The following AK9 variants were observed in gnomAD, a reference collection of about 807,000 sequenced individuals.
AK9 encodes the protein adenylate kinase 9.
AK9 carries 191 observed loss-of-function variants against 239.6 expected under a neutral mutation model. The observed-to-expected ratio is 0.80, with a 90% confidence interval of 0.71 to 0.90. The LOEUF (loss-of-function observed/expected upper bound fraction) is 0.90. Ranked by LOEUF, AK9 falls within the 40% of genes least tolerant of loss-of-function variation. The probability of loss-of-function intolerance (pLI) is 0.00; values close to 1 mark genes in which losing one functional copy is unlikely to be tolerated. For missense variants in AK9, 1,995 were observed against 2,214.7 expected (o/e 0.90, Z 1.99); for synonymous variants, 689 against 721.0 (o/e 0.96, Z 0.71).
At position 109,563,637 on chromosome 6, in the gene AK9, G is replaced by A. The variant is rs1278283474; in HGVS notation, c.2711C>T (p.Ala904Val). The change falls in exon 24 of 41, where the codon GCA (alanine) becomes GTA (valine). Residue 904 changes from alanine (A) to valine (V), a missense_variant. Coordinates refer to ENST00000424296, the MANE Select transcript of AK9 (RefSeq NM_001145128.3). ...EEETEDYQTE[A>V]EVDEELEEEE... is the part of the protein sequence containing the mutation. ...TTCCTCTAGCTCCTCATCAACCTCT[G>A]CTTCAGTCTGGTAGTCTTCTGTTTC... 6.4e-7 allele frequency: 1 copy of A among 1,550,702 alleles called. No homozygotes were observed. Among genetic ancestry groups the A allele is most frequent in the Non-Finnish European group, 8.7e-7 (1 of 1,146,138 alleles).
intron 17 of AK9, among the ~76,000 whole-genome samples, chr6:109,591,240 T>C (rs1209969579): frequency 1.3e-5 from 2 of 152,176 alleles, no homozygotes; most frequent in African/African-American, 4.8e-5. Flanking sequence ...ACATTTTTCT[T>C]CTGCAATTGA....
intron 10 of AK9, 123 bp from the exon 11 acceptor site, chr6:109,633,446 T>G (rs1309303797): frequency 8.5e-7 from 1 of 1,172,488 alleles, no homozygotes; most frequent in Non-Finnish European, 1.2e-6. Flanking sequence ...AAAAAGGAAA[T>G]TTTGGCTTTT....
At chr6:109,494,386 T>C (rs1776824079) in intron 39 of AK9, 1 of 246,844 alleles carries the variant, frequency 4.1e-6, no homozygotes, top group Non-Finnish European at 7.7e-6. Context: ...TGACATTTTT[T>C]ATAACAAAAA....
At chr6:109,667,176 T>C (rs755046355) in intron 5 of AK9, among the ~76,000 whole-genome samples, 3 of 151,942 alleles carry the variant, frequency 2.0e-5, no homozygotes, top group Admixed American at 6.6e-5. Flanking sequence ...AGGGCTCTAG[T>C]ATAAAACAAA....
rs767239755 is a variant in AK9, at chr6:109,533,346, G to A, written c.3475C>T (p.Arg1159Cys). ...IQVDDQDIFDRLLPAQIEKWK... is the reference protein window; with the variant it reads ...IQVDDQDIFDCLLPAQIEKWK... ...TTTTCAATTTGGGCAGGAAGGAGGC[G>A]ATCAAAAATATCTTGATCATCAACT... The change falls in exon 28 of 41, where the codon CGC becomes TGC. Residue 1159 changes from arginine to cysteine, a missense_variant. Coordinates refer to ENST00000424296, the MANE Select transcript of AK9 (RefSeq NM_001145128.3). 48 of 1,610,930 alleles carry A rather than the reference G, an allele frequency of 3.0e-5. No individual in the cohort carries two copies. The South Asian group carries it at 4.8e-4, about 16-fold the overall frequency.
At chr6:109,549,224 C>G (rs1783998475) in intron 25 of AK9, among the ~76,000 whole-genome samples, 1 of 152,190 alleles carries the variant, frequency 6.6e-6, no homozygotes, top group Admixed American at 6.5e-5. Context: ...TCAGGGAATA[C>G]ATTTTTGCAA....
chr6:109,580,365 A>G lies in AK9; in HGVS notation c.2115-739T>C, dbSNP rs560073429. On this transcript the variant is annotated intron_variant, in intron 19 of 40. Transcript: ENST00000424296. ...TAGTAAAATGCTGGAGAAAGGCAAC[A>G]TTTATTAAAAATTAAAATGTTTGAT... Among the ~76,000 whole-genome samples the G allele has an allele frequency of 6.6e-5, 10 of 152,292 alleles. No individual in the cohort carries two copies. The South Asian group carries it at 2.1e-3, about 32-fold the overall frequency.
At chr6:109,533,193 T>C (rs1781507914) in intron 28 of AK9, 58 bp downstream of exon 28, 7 of 1,351,234 alleles carry the variant, frequency 5.2e-6, no homozygotes, top group Non-Finnish European at 7.0e-6. Context: ...CACTTTATAA[T>C]AGATCACTAA....
chr6:109,661,575 C>T (rs1800417606), intron 6 of AK9, among the ~76,000 whole-genome samples: 1 of 152,182 alleles, frequency 6.6e-6, no homozygotes, highest in Non-Finnish European at 1.5e-5. Context: ...GTTATGTCCA[C>T]ATTCACATGT....
intron 36 of AK9, 66 bp downstream of exon 36, chr6:109,498,978 T>C: frequency 2.3e-6 from 3 of 1,320,510 alleles, no homozygotes; most frequent in African/African-American, 3.0e-5. Flanking sequence ...TCCCTTCCTA[T>C]TGATTGATTC....
chr6:109,493,474 G>T lies in AK9; in HGVS notation c.5631C>A (p.Ala1877=), dbSNP rs370124882. ...ESCELITYLG[A]KMTRKYKEPQ... ...GTTCCTTGTATTTTCTGGTCATCTTGGCACCCAAGTATGTTATGAGTTCAC... is the reference window on the plus strand; with the variant it reads ...GTTCCTTGTATTTTCTGGTCATCTTTGCACCCAAGTATGTTATGAGTTCAC... The change falls in exon 41 of 41, where the codon GCC becomes GCA. Residue 1877 remains alanine (A), a synonymous_variant. Transcript: ENST00000424296. The T allele has an allele frequency of 6.2e-7, 1 of 1,614,026 alleles. No homozygotes were observed. The highest frequency in any genetic ancestry group is 1.1e-5 in the South Asian group (1 of 91,064).
chr6:109,671,722 T>C (rs1770922623), intron 5 of AK9, among the ~76,000 whole-genome samples, 197 bp downstream of exon 5: 1 of 134,384 alleles, frequency 7.4e-6, no homozygotes. Context: ...CATATAAACT[T>C]ATTTTTAAAA....
chr6:109,615,352 C>T (rs1794054409), intron 13 of AK9, among the ~76,000 whole-genome samples: 1 of 150,502 alleles, frequency 6.6e-6, no homozygotes, highest in Non-Finnish European at 1.5e-5. Context: ...ATTGCTGGTG[C>T]CTAGAATAAA....
At chr6:109,638,343 G>T (rs529045021) in intron 10 of AK9, among the ~76,000 whole-genome samples, 1 of 151,914 alleles carries the variant, frequency 6.6e-6, no homozygotes. Context: ...ATATTGCAGG[G>T]GTCCCAGCAC....
At chr6:109,585,550 G>A (rs1311493091) in intron 18 of AK9, among the ~76,000 whole-genome samples, 1 of 152,088 alleles carries the variant, frequency 6.6e-6, no homozygotes, top group Non-Finnish European at 1.5e-5. Flanking sequence ...ATTTAGCTCT[G>A]CTAAATTTAT....
At chr6:109,531,917 G>C (rs566633226) in intron 28 of AK9, among the ~76,000 whole-genome samples, 7 of 152,262 alleles carry the variant, frequency 4.6e-5, no homozygotes, top group African/African-American at 9.6e-5. Context: ...ACCAGTGATG[G>C]CCTGGGACAT....
rs1777347065 is a variant in AK9, at chr6:109,499,072, T to C, written c.5018A>G (p.Tyr1673Cys). The C allele has an allele frequency of 1.3e-6, 2 of 1,565,198 alleles. No homozygotes were observed. Among genetic ancestry groups the C allele is most frequent in the Non-Finnish European group, 1.7e-6 (2 of 1,158,864 alleles). ...CAGTTTTTCCTGAGAACTCATTTTA[T>C]AGTAGTGCCCCCTGAACTCTGCTGC... is the stretch of plus-strand genomic sequence containing the variant. ...EFAAEFRGHY[Y>C]KMSSQEKLNK... The change falls in exon 36 of 41, where the codon TAT (tyrosine) becomes TGT (cysteine). Residue 1673 changes from tyrosine to cysteine, a missense_variant. Tyr to Cys is a radical substitution (Grantham distance 194, BLOSUM62 -2). Coordinates refer to ENST00000424296, the MANE Select transcript of AK9 (RefSeq NM_001145128.3).
At chr6:109,649,198 C>T (rs1339316266) in intron 8 of AK9, among the ~76,000 whole-genome samples, 2 of 152,074 alleles carry the variant, frequency 1.3e-5, no homozygotes, top group African/African-American at 4.8e-5. Flanking sequence ...GGGATGCCCT[C>T]TCTCACCACT....
At chr6:109,562,965 A>C (rs1380923692) in intron 24 of AK9, among the ~76,000 whole-genome samples, 1 of 152,166 alleles carries the variant, frequency 6.6e-6, no homozygotes, top group East Asian at 1.9e-4. Context: ...AGCCATCCCA[A>C]AGAAAGGCTC....
Sources: allele counts gnomAD v4.1 joint callset (sites outside exome capture counted in the v4.1 genomes callset), GRCh38; gene constraint gnomAD v4.1.1; transcripts MANE v1.5; gene names NCBI Gene and HGNC (gene_info 2026-07-23, HGNC 2026-07-21).